The following DHRSX variants were observed in gnomAD, a reference collection of about 807,000 sequenced individuals.
The protein encoded by DHRSX is dehydrogenase/reductase X-linked, also known as polyprenol dehydrogenase.
In DHRSX, 31 loss-of-function variants were observed where a neutral mutation model predicts 34.0. The ratio of observed to expected loss-of-function variants is 0.91; its 90% CI spans 0.69 to 1.23. The LOEUF (loss-of-function observed/expected upper bound fraction) is 1.23, where lower values mean the gene tolerates loss of function less well. Ranked by LOEUF, DHRSX falls within the 50% of genes most tolerant of loss-of-function variation. The pLI is 0.00. For missense variants in DHRSX, 414 were observed against 428.1 expected, an observed-to-expected ratio of 0.97 and a Z score of 0.29; for synonymous variants, 201 against 183.8, an observed-to-expected ratio of 1.09 and a Z score of -0.76.
chrX:2,412,601 T>A (rs1474154719), intron 2 of DHRSX, among the ~76,000 whole-genome samples: 1 of 151,704 alleles, frequency 6.6e-6, no homozygotes, highest in African/African-American at 2.4e-5. Flanking sequence ...CCAAAGGAAA[T>A]GAAATCAGCC....
intron 3 of DHRSX, among the ~76,000 whole-genome samples, chrX:2,325,200 A>C (rs896230257): frequency 5.9e-5 from 9 of 152,052 alleles, no homozygotes; most frequent in Non-Finnish European, 1.3e-4. Context: ...GGACCTAGGG[A>C]CTAGACACGT....
At chrX:2,445,024 GCGGA>G (rs2044111322) in intron 1 of DHRSX, among the ~76,000 whole-genome samples, 1 of 152,040 alleles carries the variant, frequency 6.6e-6, no homozygotes, top group East Asian at 1.9e-4. Context: ...GGGCCTGGTG[GCGGA>G]CACCGGTAAT....
At chrX:2,457,941 A>G (rs1271252629) in intron 1 of DHRSX, among the ~76,000 whole-genome samples, 2 of 151,232 alleles carry the variant, frequency 1.3e-5, no homozygotes, top group African/African-American at 4.9e-5. Context: ...GCCACCAAGT[A>G]CAAACTGAAG....
chrX:2,496,123 G>A (rs1257135235), intron 1 of DHRSX, among the ~76,000 whole-genome samples: 1 of 152,218 alleles, frequency 6.6e-6, no homozygotes, highest in Non-Finnish European at 1.5e-5. Flanking sequence ...ACTGCACAGC[G>A]TGGTGGCGAT....
chrX:2,378,696 G>A (rs2043169660), intron 3 of DHRSX, among the ~76,000 whole-genome samples: 1 of 151,356 alleles, frequency 6.6e-6, no homozygotes, highest in South Asian at 2.1e-4. Context: ...TTGAGACAGA[G>A]TTGTGCTCTT....
At chrX:2,260,427 T>C (rs1191102265) in intron 5 of DHRSX, among the ~76,000 whole-genome samples, 3 of 151,666 alleles carry the variant, frequency 2.0e-5, no homozygotes, top group Non-Finnish European at 4.4e-5. Context: ...TGTGGCCTTC[T>C]CTGTGTCTCT....
At chrX:2,418,184 A>G (rs184734390) in intron 2 of DHRSX, among the ~76,000 whole-genome samples, 4 of 152,172 alleles carry the variant, frequency 2.6e-5, no homozygotes, top group Non-Finnish European at 5.9e-5. Context: ...ACTAGACTTC[A>G]TTAAGACCTA....
At chrX:2,453,815 CA>C (rs1569503029) in intron 1 of DHRSX, among the ~76,000 whole-genome samples, 2 of 151,542 alleles carry the variant, frequency 1.3e-5, no homozygotes, top group Non-Finnish European at 2.9e-5. Context: ...ATTCTCCCCA[CA>C]AAAAAAACTA....
At chrX:2,353,204 A>T (rs2042808455) in intron 3 of DHRSX, among the ~76,000 whole-genome samples, 1 of 152,152 alleles carries the variant, frequency 6.6e-6, no homozygotes, top group Admixed American at 6.6e-5. Flanking sequence ...AGACTGCACT[A>T]TTACACTTCA....
chrX:2,407,157 CTCAGAAACCGAAAG>C (rs2043565669), intron 3 of DHRSX, among the ~76,000 whole-genome samples: 1 of 152,210 alleles, frequency 6.6e-6, no homozygotes, highest in Non-Finnish European at 1.5e-5. Context: ...AGGGACATAA[CTCAGAAACCGAAAG>C]TCAAATACCA....
intron 3 of DHRSX, among the ~76,000 whole-genome samples, chrX:2,316,192 A>G (rs1474345629): frequency 3.3e-5 from 5 of 149,720 alleles, no homozygotes; most frequent in Admixed American, 6.6e-5. Flanking sequence ...CTGTCAGACA[A>G]TGGTGGCTCT....
intron 1 of DHRSX, among the ~76,000 whole-genome samples, chrX:2,474,135 C>T (rs1159129271): frequency 6.6e-6 from 1 of 150,458 alleles, no homozygotes; most frequent in Admixed American, 6.6e-5. Context: ...GTGGAAAGGA[C>T]ACAGACACAG....
chrX:2,426,228 G>C (rs1447866405), intron 1 of DHRSX, among the ~76,000 whole-genome samples: 1 of 152,156 alleles, frequency 6.6e-6, no homozygotes, highest in Non-Finnish European at 1.5e-5. Context: ...TTGCTTCATA[G>C]CTGCTGGTAT....
chrX:2,485,574 A>G (rs1434822316), intron 1 of DHRSX, among the ~76,000 whole-genome samples: 2 of 102,208 alleles, frequency 2.0e-5, no homozygotes, highest in Non-Finnish European at 3.6e-5. Flanking sequence ...GAGGGAGGAA[A>G]GGAAGGAAGG....
chrX:2,304,140 AATGG>A (rs765675076), intron 3 of DHRSX, among the ~76,000 whole-genome samples: 400 of 31,356 alleles, frequency 0.013, 1 homozygote, highest in East Asian at 0.037. Flanking sequence ...TGGATGGATG[AATGG>A]ATGGATGGAT....
chrX:2,461,944 T>G (rs1603124164), intron 1 of DHRSX, among the ~76,000 whole-genome samples: 1 of 152,136 alleles, frequency 6.6e-6, no homozygotes, highest in Admixed American at 6.5e-5. Context: ...GGCCTCGGCC[T>G]CCCAAAGTGC....
At chrX:2,357,827 C>G (rs74438281) in intron 3 of DHRSX, among the ~76,000 whole-genome samples, 1 of 152,004 alleles carries the variant, frequency 6.6e-6, no homozygotes, top group South Asian at 2.1e-4. Context: ...AAGACAGGCA[C>G]TGTGTGTCAG....
At chrX:2,422,041 G>A (rs2043787183) in intron 2 of DHRSX, among the ~76,000 whole-genome samples, 1 of 152,158 alleles carries the variant, frequency 6.6e-6, no homozygotes, top group Admixed American at 6.6e-5. Flanking sequence ...ATGCTCTTAT[G>A]CTTGAGCCTT....
At chrX:2,471,423 C>T (rs1349807871) in intron 1 of DHRSX, among the ~76,000 whole-genome samples, 2 of 151,952 alleles carry the variant, frequency 1.3e-5, no homozygotes, top group Non-Finnish European at 1.5e-5. Context: ...AAAAATTAGC[C>T]GGGTGTGGTG....
Sources: gnomAD v4.1 joint callset for allele counts (sites outside exome capture counted in the v4.1 genomes callset) on GRCh38, gnomAD v4.1.1 for gene constraint, MANE v1.5 for transcripts, NCBI Gene and HGNC (gene_info 2026-07-23, HGNC 2026-07-21) for gene names.